C13orf42: variants seen among roughly 807,000 people sequenced by gnomAD.
C13orf42 encodes chromosome 13 open reading frame 42.
At chr13:51,094,877 AT>A (rs1953216625) in intron 1 of C13orf42, among the ~76,000 whole-genome samples, 1 of 152,148 alleles carries the variant, frequency 6.6e-6, no homozygotes, top group Non-Finnish European at 1.5e-5. Flanking sequence ...CCCATGTGTT[AT>A]GGGAAGGACC....
At chr13:51,092,094 C>G (rs1018844198) in intron 1 of C13orf42, among the ~76,000 whole-genome samples, 1 of 152,194 alleles carries the variant, frequency 6.6e-6, no homozygotes, top group African/African-American at 2.4e-5. Context: ...GACAAAACAT[C>G]CTGGCATGCT....
intron 1 of C13orf42, among the ~76,000 whole-genome samples, chr13:51,164,406 A>G (rs1307072448): frequency 6.6e-6 from 1 of 152,216 alleles, no homozygotes; most frequent in East Asian, 1.9e-4. Context: ...TCATGCCTGA[A>G]ACCACAGCAC....
intron 1 of C13orf42, among the ~76,000 whole-genome samples, chr13:51,093,746 T>C (rs1953203236): frequency 6.6e-6 from 1 of 152,206 alleles, no homozygotes; most frequent in Non-Finnish European, 1.5e-5. Flanking sequence ...AATCATTGTC[T>C]AGATTCATTA....
intron 1 of C13orf42, among the ~76,000 whole-genome samples, chr13:51,159,393 G>A (rs1390761190): frequency 1.3e-5 from 2 of 152,192 alleles, no homozygotes; most frequent in Non-Finnish European, 2.9e-5. Flanking sequence ...AGAAAATAAA[G>A]AGGCTGATCA....
At chr13:51,171,222 CTTA>C (rs1953947797) in intron 1 of C13orf42, among the ~76,000 whole-genome samples, 1 of 152,132 alleles carries the variant, frequency 6.6e-6, no homozygotes, top group African/African-American at 2.4e-5. Context: ...ACCTAAATGA[CTTA>C]TTTTCTTCTG....
chr13:51,097,023 G>T (rs115733615), intron 1 of C13orf42, among the ~76,000 whole-genome samples: 1,532 of 152,228 alleles, frequency 0.01, 29 homozygotes, highest in African/African-American at 0.035. Flanking sequence ...ACAAAAAGGA[G>T]CATACCATGT....
At chr13:51,138,567 G>C (rs1332167702) in intron 1 of C13orf42, among the ~76,000 whole-genome samples, 1 of 151,946 alleles carries the variant, frequency 6.6e-6, no homozygotes, top group Non-Finnish European at 1.5e-5. Context: ...AAGAAAAAAA[G>C]AAAAGAAAAA....
At chr13:51,142,248 A>C (rs779310625) in intron 1 of C13orf42, among the ~76,000 whole-genome samples, 8 of 152,246 alleles carry the variant, frequency 5.3e-5, no homozygotes, top group Non-Finnish European at 1.5e-5. Context: ...GTCAAAGCTA[A>C]ACTATAAACT....
intron 1 of C13orf42, among the ~76,000 whole-genome samples, chr13:51,128,886 G>C (rs571728126): frequency 1.3e-5 from 2 of 152,272 alleles, no homozygotes; most frequent in Admixed American, 1.3e-4. Flanking sequence ...TTACTTTGGA[G>C]CATTAGGTCA....
chr13:51,154,989 C>T (rs943573500), intron 1 of C13orf42, among the ~76,000 whole-genome samples: 5 of 152,088 alleles, frequency 3.3e-5, no homozygotes, highest in Non-Finnish European at 5.9e-5. Context: ...TTAGGTAGAA[C>T]GTTTTATCTT....
At chr13:51,119,304 A>G (rs1442090495) in intron 1 of C13orf42, among the ~76,000 whole-genome samples, 1 of 152,110 alleles carries the variant, frequency 6.6e-6, no homozygotes, top group Non-Finnish European at 1.5e-5. Flanking sequence ...CACTGGGAAC[A>G]GAGTGTTTGT....
At chr13:51,148,429 C>T (rs151007057) in intron 1 of C13orf42, among the ~76,000 whole-genome samples, 18 of 152,324 alleles carry the variant, frequency 1.2e-4, no homozygotes, top group African/African-American at 2.2e-4. Context: ...TCATGAAGGA[C>T]GCCCACAGGG....
intron 1 of C13orf42, among the ~76,000 whole-genome samples, chr13:51,120,408 C>T (rs1437155892): frequency 2.0e-5 from 3 of 152,158 alleles, no homozygotes; most frequent in Admixed American, 6.5e-5. Context: ...GAAGCTCCAC[C>T]GGGGCAGGAA....
intron 1 of C13orf42, among the ~76,000 whole-genome samples, chr13:51,118,431 A>G (rs1386859628): frequency 6.6e-6 from 1 of 152,154 alleles, no homozygotes; most frequent in African/African-American, 2.4e-5. Context: ...TCCTCAATCG[A>G]TGGAAGGACA....
rs1953428933 is a variant in C13orf42, at chr13:51,111,190, G to A, written c.20C>T (p.Ser7Phe). Residue 7 changes from serine to phenylalanine, a missense_variant, in exon 1 of 4, where the codon TCC becomes TTC. Ser to Phe is a radical substitution (Grantham distance 155). Coordinates refer to ENST00000563710, the MANE Select transcript of C13orf42 (RefSeq NM_001351589.3). MFRKIHSIFNSSPQRKT... is the reference protein window; with the variant it reads MFRKIHFIFNSSPQRKT... The stretch of plus-strand genomic sequence containing the variant: ...TCTCTGTGGGCTGGAGTTAAAGATG[G>A]AGTGGATCTTTCTGAACATAGTGCT... 7.5e-6 allele frequency: 3 copies of A among 398,560 alleles called. No homozygotes were observed. The highest frequency in any genetic ancestry group is 1.3e-5 in the Non-Finnish European group (3 of 226,112). The allele number at this position is 398,560 out of a possible 1,614,324, so 24.7% of individuals were successfully genotyped here. A position where few individuals can be genotyped will look rare whatever the true frequency, so the allele number is the denominator to read the frequency against.
At position 51,147,292 on chromosome 13, in the gene C13orf42, G is replaced by A. The variant is rs144801640; in HGVS notation, n.136+24961C>T. On this transcript the variant is annotated intron_variant and non_coding_transcript_variant, in intron 1 of 4. Coordinates refer to the C13orf42 transcript ENST00000433280. ...TCTGTGAGAGTCAGTCCTGCTATAGGACAAATCCCGCTTTGGTGCCTGTGG... is the reference window on the plus strand; with the variant it reads ...TCTGTGAGAGTCAGTCCTGCTATAGAACAAATCCCGCTTTGGTGCCTGTGG... Among the ~76,000 whole-genome samples the A allele has an allele frequency of 2.8e-3, 426 of 152,318 alleles. 4 individuals carry two copies. The highest frequency in any genetic ancestry group is 9.7e-3 in the African/African-American group (404 of 41,574).
intron 1 of C13orf42, among the ~76,000 whole-genome samples, chr13:51,140,897 A>G (rs186430082): frequency 4.1e-4 from 63 of 152,324 alleles, no homozygotes; most frequent in Non-Finnish European, 7.5e-4. Context: ...TACTCAAGTT[A>G]GCATTAACAA....
chr13:51,133,775 C>T (rs1225078194), intron 1 of C13orf42, among the ~76,000 whole-genome samples: 1 of 152,166 alleles, frequency 6.6e-6, no homozygotes, highest in Non-Finnish European at 1.5e-5. Flanking sequence ...GCATCTCGAA[C>T]TCTGTGCCAC....
At chr13:51,126,437 C>A (rs936474544) in intron 1 of C13orf42, among the ~76,000 whole-genome samples, 3 of 152,110 alleles carry the variant, frequency 2.0e-5, no homozygotes, top group African/African-American at 2.4e-5. Flanking sequence ...GGGGATGAGA[C>A]AGAGACGCAG....
Sources: allele counts gnomAD v4.1 joint callset (sites outside exome capture counted in the v4.1 genomes callset), GRCh38; gene constraint gnomAD v4.1.1; transcripts MANE v1.5; gene names NCBI Gene and HGNC (gene_info 2026-07-23, HGNC 2026-07-21).